Variants in SLC17A3 observed in about 807,000 individuals in gnomAD.
SLC17A3 encodes the protein solute carrier family 17 member 3.
A neutral mutation model predicts 60.3 loss-of-function variants in SLC17A3; 61 were observed. That is an observed-to-expected ratio of 1.01 (90% CI 0.82 to 1.25). The LOEUF is 1.25. Ranked by LOEUF, SLC17A3 falls within the 50% of genes most tolerant of loss-of-function variation. The pLI is 0.00. For synonymous variants in SLC17A3, 192 were observed against 208.9 expected (o/e 0.92, Z 0.70); for missense variants, 624 against 594.9 (o/e 1.05, Z -0.51).
At chr6:25,849,352 C>T (rs375869897) in intron 11 of SLC17A3, 22 bp downstream of exon 11, 193 of 1,392,392 alleles carry the variant, frequency 1.4e-4, no homozygotes, top group Non-Finnish European at 1.6e-4. Context: ...CTTTGGAGTC[C>T]TTCATGACAA....
At chr6:25,862,064 C>G (rs373633868) in intron 3 of SLC17A3, 35 bp from the exon 4 acceptor site, 1 of 1,520,560 alleles carries the variant, frequency 6.6e-7, no homozygotes, top group Non-Finnish European at 9.0e-7. Flanking sequence ...GTAAACCTTA[C>G]ACAAAAAGGT....
At chr6:25,868,239 GT>G in intron 2 of SLC17A3, 57 bp downstream of exon 2, 1 of 1,209,726 alleles carries the variant, frequency 8.3e-7, no homozygotes, top group Non-Finnish European at 1.2e-6. Context: ...ATAGTAATAC[GT>G]TGACAAAAAG....
intron 11 of SLC17A3, among the ~76,000 whole-genome samples, chr6:25,846,014 G>T (rs1174721714): frequency 6.6e-6 from 1 of 152,102 alleles, no homozygotes; most frequent in African/African-American, 2.4e-5. Context: ...ATAGTTAAAT[G>T]AGTTTACAGC....
chr6:25,861,906 C>T lies in SLC17A3; in HGVS notation c.427G>A (p.Val143Ile), dbSNP rs780197221. 2.5e-6 allele frequency: 4 copies of T among 1,612,764 alleles called. No individual in the cohort carries two copies. Among genetic ancestry groups the T allele is most frequent in the Non-Finnish European group, 3.4e-6 (4 of 1,179,428 alleles). ...GAAGTTGCAAACAAAGAAATGCCAACCACTCGCTTTGTTCCTACTCTTCCA... is the reference window on the plus strand; with the variant it reads ...GAAGTTGCAAACAAAGAAATGCCAATCACTCGCTTTGTTCCTACTCTTCCA... ...LAGRVGTKRV[V>I]GISLFATSFL... The change falls in exon 4 of 13, where the codon GTT becomes ATT. Residue 143 changes from valine to isoleucine, a missense_variant. Coordinates refer to ENST00000397060, the MANE Select transcript of SLC17A3 (RefSeq NM_001098486.2).
chr6:25,846,347 T>C (rs1211864289), intron 11 of SLC17A3, among the ~76,000 whole-genome samples: 1 of 152,098 alleles, frequency 6.6e-6, no homozygotes, highest in African/African-American at 2.4e-5. Context: ...AAAAGTACAA[T>C]AGATAATTTG....
intron 5 of SLC17A3, among the ~76,000 whole-genome samples, chr6:25,858,273 G>A (rs571362533): frequency 1.3e-5 from 2 of 152,288 alleles, no homozygotes; most frequent in East Asian, 3.9e-4. Flanking sequence ...CTTCCCAAAA[G>A]GCTGTGCTAA....
chr6:25,872,206 T>A (rs1185486745), intron 1 of SLC17A3, among the ~76,000 whole-genome samples: 1 of 151,898 alleles, frequency 6.6e-6, no homozygotes, highest in Non-Finnish European at 1.5e-5. Flanking sequence ...GTTTTTTACA[T>A]CTCTTGTATC....
intron 11 of SLC17A3, 73 bp downstream of exon 11, chr6:25,849,301 A>G (rs1228907098): frequency 2.3e-6 from 2 of 869,814 alleles, no homozygotes; most frequent in Non-Finnish European, 3.9e-6. Flanking sequence ...TCAGTCTTTG[A>G]ATACATGCTA....
At chr6:25,853,352 A>G (rs1165455225) in intron 6 of SLC17A3, among the ~76,000 whole-genome samples, 1 of 150,766 alleles carries the variant, frequency 6.6e-6, no homozygotes, top group African/African-American at 2.4e-5. Context: ...TCAAATAACC[A>G]ATTGTAAATT....
chr6:25,846,404 G>A (rs1189655803), intron 11 of SLC17A3, among the ~76,000 whole-genome samples: 2 of 152,156 alleles, frequency 1.3e-5, no homozygotes, highest in African/African-American at 4.8e-5. Flanking sequence ...AAAAGAACAA[G>A]CTATTATAAC....
At chr6:25,846,893 A>G (rs1765183125) in intron 11 of SLC17A3, among the ~76,000 whole-genome samples, 1 of 152,176 alleles carries the variant, frequency 6.6e-6, no homozygotes, top group South Asian at 2.1e-4. Context: ...TACAAGTGTG[A>G]GCCCACCGCA....
intron 5 of SLC17A3, among the ~76,000 whole-genome samples, chr6:25,858,924 A>G (rs1225782193): frequency 6.6e-6 from 1 of 152,056 alleles, no homozygotes; most frequent in African/African-American, 2.4e-5. Context: ...TCTAAAGTGT[A>G]TTTGTTTTGT....
intron 5 of SLC17A3, among the ~76,000 whole-genome samples, chr6:25,860,747 T>G (rs1765433158): frequency 6.6e-6 from 1 of 152,096 alleles, no homozygotes; most frequent in African/African-American, 2.4e-5. Context: ...AGAAAGGGAG[T>G]TGCTACTTTC....
Position 25,855,229 on chromosome 6 carries a change from T to A in SLC17A3, c.627A>T (p.Gly209=). 6.2e-7 allele frequency: 1 copy of A among 1,611,564 alleles called. No homozygotes were observed. Among genetic ancestry groups the A allele is most frequent in the Middle Eastern group, 1.7e-4 (1 of 6,056 alleles). ...RSRLCSIALS[G]MLLGCFTAIL... Reference sequence around the variant, plus strand: ...TGGCAGTAAAGCATCCCAGTAACATTCCTGCAAAGAGAGAGAAAGTAAGCT... The same window carrying A: ...TGGCAGTAAAGCATCCCAGTAACATACCTGCAAAGAGAGAGAAAGTAAGCT... The change falls in exon 6 of 13, where the codon GGA becomes GGT. Residue 209 remains glycine (G), a splice_region_variant and synonymous_variant. Transcript: ENST00000397060.
chr6:25,863,002 A>G (rs1765477288), intron 2 of SLC17A3, among the ~76,000 whole-genome samples: 1 of 151,896 alleles, frequency 6.6e-6, no homozygotes, highest in East Asian at 1.9e-4. Context: ...TTACACTTTG[A>G]AGAGAGTTGT....
intron 2 of SLC17A3, among the ~76,000 whole-genome samples, chr6:25,865,880 G>A (rs376977773): frequency 6.6e-6 from 1 of 151,840 alleles, no homozygotes; most frequent in Non-Finnish European, 1.5e-5. Flanking sequence ...AGCACCTGAG[G>A]GTATTCTATT....
rs552690993 is a variant in SLC17A3, at chr6:25,872,849, T to A, written c.-34+1318A>T. Among the ~76,000 whole-genome samples, 15 of 152,130 alleles carry A rather than the reference T, an allele frequency of 9.9e-5. No individual in the cohort carries two copies. In the East Asian group the frequency reaches 1.5e-3, roughly 16 times the overall value. ...GATCTTCCCATTTGTCTCCTGACTT[T>A]TGAAAATATTAATACTTTTTAAAGC... On this transcript the variant is annotated intron_variant, in intron 1 of 12. Transcript: ENST00000397060.
intron 2 of SLC17A3, among the ~76,000 whole-genome samples, chr6:25,867,810 C>T (rs1437279117): frequency 6.6e-6 from 1 of 151,828 alleles, no homozygotes; most frequent in Non-Finnish European, 1.5e-5. Flanking sequence ...AAACTATATG[C>T]TGTCAAGTTA....
At position 25,855,157 on chromosome 6, in the gene SLC17A3, G is replaced by A. The variant is rs1561855727; in HGVS notation, c.699C>T (p.Val233=). ...FISETLGWPF[V]FYIFGGVGCV... Reference sequence around the variant, plus strand: ...ATAGTAGCTTACCAAAGATATAGAAGACAAAGGGCCACCCAAGGGTTTCAC... The same window carrying A: ...ATAGTAGCTTACCAAAGATATAGAAAACAAAGGGCCACCCAAGGGTTTCAC... The change falls in exon 6 of 13, where the codon GTC becomes GTT. Residue 233 remains valine (V), a synonymous_variant. Coordinates refer to ENST00000397060, the MANE Select transcript of SLC17A3 (RefSeq NM_001098486.2). 5 of 1,611,400 alleles carry A rather than the reference G, an allele frequency of 3.1e-6. No individual in the cohort carries two copies. Among genetic ancestry groups the A allele is most frequent in the African/African-American group, 1.3e-5 (1 of 74,952 alleles).
Sources: gnomAD v4.1 joint callset for allele counts (sites outside exome capture counted in the v4.1 genomes callset) on GRCh38, gnomAD v4.1.1 for gene constraint, MANE v1.5 for transcripts, NCBI Gene and HGNC (gene_info 2026-07-23, HGNC 2026-07-21) for gene names.